Variants in MTX2 observed in about 807,000 individuals in gnomAD.
The protein encoded by MTX2 is metaxin 2.
MTX2 carries 35 observed loss-of-function variants against 42.3 expected under a neutral mutation model. That is an observed-to-expected ratio of 0.83 (90% CI 0.63 to 1.10). MTX2 has a LOEUF of 1.10. Ranked by LOEUF, MTX2 falls within the 50% of genes least tolerant of loss-of-function variation. The pLI, the probability that MTX2 is intolerant of heterozygous loss-of-function variation, is 0.00. For synonymous variants in MTX2, 119 were observed against 100.9 expected (o/e 1.18, Z -1.08); for missense variants, 307 against 304.1 (o/e 1.01, Z -0.07).
intron 1 of MTX2, among the ~76,000 whole-genome samples, chr2:176,291,645 G>A (rs1381910089): frequency 6.6e-6 from 1 of 152,086 alleles, no homozygotes; most frequent in Non-Finnish European, 1.5e-5. Context: ...ACATGAAAGT[G>A]TTAAAATATT....
At chr2:176,270,306 G>C in intron 1 of MTX2, 2 of 1,311,212 alleles carry the variant, frequency 1.5e-6, no homozygotes, top group Non-Finnish European at 1.0e-6. Context: ...GAGTAGTTGG[G>C]ATTACAGGCG....
chr2:176,331,731 T>G (rs1476788863), intron 9 of MTX2, among the ~76,000 whole-genome samples: 1 of 151,250 alleles, frequency 6.6e-6, no homozygotes, highest in African/African-American at 2.4e-5. Context: ...TGATGTTTGC[T>G]CTACAGATTC....
At chr2:176,277,327 G>C (rs190788893) in intron 1 of MTX2, among the ~76,000 whole-genome samples, 91 of 152,304 alleles carry the variant, frequency 6.0e-4, no homozygotes, top group Middle Eastern at 6.8e-3. Flanking sequence ...GATGGTAAAG[G>C]CTTGTATATC....
intron 3 of MTX2, among the ~76,000 whole-genome samples, chr2:176,299,401 G>T (rs571374204): frequency 7.9e-5 from 12 of 152,092 alleles, no homozygotes; most frequent in African/African-American, 2.9e-4. Flanking sequence ...GAGAAGGGGG[G>T]AAAAAATAAA....
intron 2 of MTX2, 82 bp downstream of exon 2, chr2:176,296,989 C>G: frequency 1.5e-6 from 2 of 1,340,140 alleles, no homozygotes; most frequent in Non-Finnish European, 2.1e-6. Context: ...CAATTTACTG[C>G]AAAGAGAATA....
At position 176,280,406 on chromosome 2, in the gene MTX2, A is replaced by G. The variant is rs527861542; in HGVS notation, c.40+10737A>G. ...ACATTTTGTGTGATTAATAGTAACT[A>G]TCAAAAGTCTTAACTGGCAAGTTAC... is the stretch of plus-strand genomic sequence containing the variant. On this transcript the variant is annotated intron_variant, in intron 1 of 9. Coordinates refer to ENST00000249442, the MANE Select transcript of MTX2 (RefSeq NM_006554.5). Among the ~76,000 whole-genome samples the G allele has an allele frequency of 9.2e-5, 14 of 152,358 alleles. No homozygotes were observed. In the South Asian group the frequency reaches 2.7e-3, roughly 29 times the overall value.
At chr2:176,320,743 G>A (rs545409449) in intron 3 of MTX2, among the ~76,000 whole-genome samples, 2 of 149,874 alleles carry the variant, frequency 1.3e-5, no homozygotes, top group Admixed American at 1.3e-4. Context: ...TGCCCAGGCT[G>A]GAGTGCAGTG....
intron 1 of MTX2, among the ~76,000 whole-genome samples, chr2:176,296,339 A>G (rs913036307): frequency 2.0e-5 from 3 of 152,200 alleles, no homozygotes; most frequent in South Asian, 2.1e-4. Flanking sequence ...GTATTTTTAA[A>G]TACTGCCAGA....
chr2:176,287,930 C>A (rs1486957187), intron 1 of MTX2, among the ~76,000 whole-genome samples: 1 of 149,444 alleles, frequency 6.7e-6, no homozygotes, highest in Non-Finnish European at 1.5e-5. Context: ...ATGGAAATGG[C>A]AATATGACGC....
At chr2:176,318,287 CT>C (rs950863096) in intron 3 of MTX2, among the ~76,000 whole-genome samples, 189 of 151,990 alleles carry the variant, frequency 1.2e-3, no homozygotes, top group African/African-American at 4.2e-3. Context: ...AACCCTACCC[CT>C]GATACCTTAC....
At chr2:176,307,801 G>A (rs762533122) in intron 3 of MTX2, among the ~76,000 whole-genome samples, 1 of 152,138 alleles carries the variant, frequency 6.6e-6, no homozygotes, top group Non-Finnish European at 1.5e-5. Flanking sequence ...ATTTTGGGCT[G>A]AGACGATGGG....
At chr2:176,316,029 A>G (rs1684428986) in intron 3 of MTX2, among the ~76,000 whole-genome samples, 1 of 152,194 alleles carries the variant, frequency 6.6e-6, no homozygotes, top group South Asian at 2.1e-4. Context: ...ATAAGGACTA[A>G]GACTTTATGT....
chr2:176,282,370 G>T (rs890201380), intron 1 of MTX2, among the ~76,000 whole-genome samples: 3 of 151,922 alleles, frequency 2.0e-5, no homozygotes, highest in African/African-American at 7.3e-5. Context: ...CTGCACAGAG[G>T]CATCTAGTTT....
At chr2:176,301,348 C>T (rs914855681) in intron 3 of MTX2, among the ~76,000 whole-genome samples, 2 of 152,070 alleles carry the variant, frequency 1.3e-5, no homozygotes, top group African/African-American at 4.8e-5. Flanking sequence ...TGGAGATAAA[C>T]AGAAAACAAC....
intron 1 of MTX2, among the ~76,000 whole-genome samples, chr2:176,286,544 C>CT (rs1247677995): frequency 6.6e-6 from 1 of 150,798 alleles, no homozygotes; most frequent in Non-Finnish European, 1.5e-5. Flanking sequence ...ATTACTCACT[C>CT]TGAGTCTTTT....
chr2:176,276,433 GT>G (rs1553470761), intron 1 of MTX2, among the ~76,000 whole-genome samples: 8 of 152,128 alleles, frequency 5.3e-5, no homozygotes, highest in Non-Finnish European at 1.5e-5. Flanking sequence ...ATTTGGTCTT[GT>G]TAGGTATTTT....
At chr2:176,285,584 C>T (rs1693180245) in intron 1 of MTX2, among the ~76,000 whole-genome samples, 1 of 151,814 alleles carries the variant, frequency 6.6e-6, no homozygotes, top group South Asian at 2.1e-4. Context: ...TGTAGATTTG[C>T]CTCATCTGGA....
At chr2:176,284,091 AT>A (rs1693140012) in intron 1 of MTX2, among the ~76,000 whole-genome samples, 2 of 151,972 alleles carry the variant, frequency 1.3e-5, no homozygotes, top group Admixed American at 1.3e-4. Context: ...TTAATGAAAA[AT>A]AATGGATTTT....
intron 3 of MTX2, among the ~76,000 whole-genome samples, chr2:176,306,061 C>A (rs1223348704): frequency 6.6e-6 from 1 of 152,056 alleles, no homozygotes; most frequent in South Asian, 2.1e-4. Flanking sequence ...TATCCCTCCC[C>A]CAGCACCCCC....
Sources: allele counts gnomAD v4.1 joint callset (sites outside exome capture counted in the v4.1 genomes callset), GRCh38; gene constraint gnomAD v4.1.1; transcripts MANE v1.5; gene names NCBI Gene and HGNC (gene_info 2026-07-23, HGNC 2026-07-21).